ALMS1: variants seen among roughly 807,000 people sequenced by gnomAD.
ALMS1 encodes the protein ALMS1 centrosome and basal body associated protein.
Under a neutral mutation model 352.2 loss-of-function variants are expected in ALMS1, and 271 were observed. That is an observed-to-expected ratio of 0.77 (90% confidence interval 0.70 to 0.85). The LOEUF is 0.85. Ranked by LOEUF, ALMS1 falls within the 40% of genes least tolerant of loss-of-function variation. The probability of loss-of-function intolerance (pLI) is 0.00; values close to 1 mark genes in which losing one functional copy is unlikely to be tolerated. For synonymous variants in ALMS1, 1,865 were observed against 1,761.2 expected (o/e 1.06, Z -1.48); for missense variants, 5,445 against 4,870.7 (o/e 1.12, Z -3.51).
Position 73,520,017 on chromosome 2 carries a change from G to T in ALMS1, c.9781+1G>T. On this transcript the variant is annotated splice_donor_variant, in intron 11 of 22. Transcript: ENST00000613296. LOFTEE classifies it high-confidence loss of function. ...GTTACTTTTTCTCGCGGCACAGATG[G>T]TAAGAGAATGTGATTGCATTTTAGA... The T allele has an allele frequency of 6.2e-7, 1 of 1,614,074 alleles. No homozygotes were observed. Among genetic ancestry groups the T allele is most frequent in the Non-Finnish European group, 8.5e-7 (1 of 1,179,952 alleles).
intron 10 of ALMS1, among the ~76,000 whole-genome samples, chr2:73,516,793 T>C (rs886463694): frequency 6.6e-6 from 1 of 152,240 alleles, no homozygotes; most frequent in Non-Finnish European, 1.5e-5. Context: ...AGCCCCTTTA[T>C]TGGGGTTGGC....
Position 73,601,423 on chromosome 2 carries a change from G to A in ALMS1, c.12101G>A (p.Arg4034Lys), listed in dbSNP as rs751756182. 3 of 1,614,130 alleles carry A rather than the reference G, an allele frequency of 1.9e-6. No homozygotes were observed. The highest frequency in any genetic ancestry group is 2.5e-6 in the Non-Finnish European group (3 of 1,179,996). The change falls in exon 19 of 23, where the codon AGA becomes AAA. Residue 4034 changes from arginine (R) to lysine (K), a missense_variant. By Grantham distance (26) the Arg-to-Lys change is conservative. Coordinates refer to ENST00000613296, the MANE Select transcript of ALMS1 (RefSeq NM_001378454.1). The stretch of plus-strand genomic sequence containing the variant: ...AGAGACCTACTGAGGCCATTTGTGA[G>A]AGCAACCCTTCAGGTGCAGTGACGT... Reference protein sequence around the residue: ...AGRDLLRPFVRATLQESLQFH... With the variant: ...AGRDLLRPFVKATLQESLQFH...
intron 1 of ALMS1, among the ~76,000 whole-genome samples, chr2:73,392,839 A>T (rs1670678705): frequency 6.6e-6 from 1 of 152,068 alleles, no homozygotes; most frequent in Non-Finnish European, 1.5e-5. Flanking sequence ...GGACATATGG[A>T]TTCATTTCTC....
chr2:73,550,338 A>G lies in ALMS1; in HGVS notation c.9979A>G (p.Thr3327Ala), dbSNP rs1354613808. 5 of 1,614,202 alleles carry G rather than the reference A, an allele frequency of 3.1e-6. No individual in the cohort carries two copies. Among genetic ancestry groups the G allele is most frequent in the Admixed American group, 3.3e-5 (2 of 60,024 alleles). Residue 3327 changes from threonine (T) to alanine (A), a missense_variant, in exon 13 of 23, where the codon ACT (threonine) becomes GCT (alanine). Thr to Ala is a moderately conservative substitution (Grantham distance 58). Transcript: ENST00000613296. Reference sequence around the variant, plus strand: ...CACAAGAGATGATGACCTCTCAGCCACTGTTAACATTAAACATAAAGAAGG... The same window carrying G: ...CACAAGAGATGATGACCTCTCAGCCGCTGTTAACATTAAACATAAAGAAGG... ...LGTRDDDLSATVNIKHKEGIY... is the reference protein window; with the variant it reads ...LGTRDDDLSAAVNIKHKEGIY...
At chr2:73,436,313 T>G (rs1671603486) in intron 7 of ALMS1, among the ~76,000 whole-genome samples, 1 of 152,238 alleles carries the variant, frequency 6.6e-6, no homozygotes, top group African/African-American at 2.4e-5. Context: ...GATATGCTCT[T>G]TGTCTTTCAC....
In ALMS1 at chr2:73,463,823, T is replaced by C. The variant is rs562260458; in HGVS notation, c.7674+8528T>C. On this transcript the variant is annotated intron_variant, in intron 9 of 22. Transcript: ENST00000613296. ...TCAGAGAATACTACAAACACCTCTA[T>C]GCAAATAAACTAGAAAATCTAGAAG... 1.2e-4 allele frequency among the ~76,000 whole-genome samples: 18 copies of C among 147,556 alleles called. No homozygotes were observed. The East Asian group carries it at 2.9e-3, about 24-fold the overall frequency.
Position 73,452,660 on chromosome 2 carries a change from C to T in ALMS1, c.6133C>T (p.His2045Tyr). The change falls in exon 8 of 23, where the codon CAT (histidine) becomes TAT (tyrosine). Residue 2045 changes from histidine to tyrosine, a missense_variant. His to Tyr is a moderately conservative substitution (Grantham distance 83). Transcript: ENST00000613296. Reference protein sequence around the residue: ...DQKTPSQTAFHSSYSQTVKPN... With the variant: ...DQKTPSQTAFYSSYSQTVKPN... Reference sequence around the variant, plus strand: ...GAAGACTCCATCCCAGACAGCTTTTCATAGTTCCTATTCTCAAACAGTAAA... The same window carrying T: ...GAAGACTCCATCCCAGACAGCTTTTTATAGTTCCTATTCTCAAACAGTAAA... 2 of 1,613,996 alleles carry T rather than the reference C, an allele frequency of 1.2e-6. No individual in the cohort carries two copies. The highest frequency in any genetic ancestry group is 1.7e-6 in the Non-Finnish European group (2 of 1,179,990).
intron 9 of ALMS1, among the ~76,000 whole-genome samples, chr2:73,482,219 A>G (rs1005988574): frequency 2.6e-5 from 4 of 152,198 alleles, no homozygotes; most frequent in Admixed American, 6.5e-5. Context: ...TGGGTTTGTC[A>G]TAGATAACTC....
rs1670721434 is a variant in ALMS1 at position 73,394,881 on chromosome 2, GT to G, written c.324+8690del. On this transcript the variant is annotated intron_variant, in intron 1 of 22. Coordinates refer to ENST00000613296, the MANE Select transcript of ALMS1 (RefSeq NM_001378454.1). Reference sequence around the variant, plus strand: ...ACAGCATGTTACAGTACTGAATACTGTAGGCAGTTGTAACACTGTGGTAAGT... The same window carrying G: ...ACAGCATGTTACAGTACTGAATACTGAGGCAGTTGTAACACTGTGGTAAGT... Among the ~76,000 whole-genome samples the G allele has an allele frequency of 7.9e-5, 12 of 151,782 alleles. No individual in the cohort carries two copies. The South Asian group carries it at 2.5e-3, about 32-fold the overall frequency.
chr2:73,477,242 C>T (rs1168396415), intron 9 of ALMS1, among the ~76,000 whole-genome samples: 5 of 152,090 alleles, frequency 3.3e-5, no homozygotes, highest in Non-Finnish European at 4.4e-5. Context: ...TGAAAAGACT[C>T]TTCTTTCCCT....
chr2:73,572,533 G>T lies in ALMS1; in HGVS notation c.10656G>T (p.Val3552=). Residue 3552 remains valine, a synonymous_variant, in exon 16 of 23, where the codon GTG becomes GTT. Coordinates refer to ENST00000613296, the MANE Select transcript of ALMS1 (RefSeq NM_001378454.1). ...GAATAAAGAGCCTCAGCATCAATGT[G>T]AATTTGGGAAACAAAGAAGTGATGG... ...YTRIKSLSIN[V]NLGNKEVMDT... The T allele has an allele frequency of 6.2e-7, 1 of 1,613,714 alleles. No homozygotes were observed. The highest frequency in any genetic ancestry group is 1.7e-5 in the Admixed American group (1 of 59,964).
chr2:73,556,049 G>A (rs993366181), intron 13 of ALMS1, among the ~76,000 whole-genome samples: 8 of 152,166 alleles, frequency 5.3e-5, no homozygotes, highest in African/African-American at 1.9e-4. Flanking sequence ...CTACTGAGAA[G>A]TGAGAATGGC....
chr2:73,398,214 G>C (rs1670801620), intron 1 of ALMS1, among the ~76,000 whole-genome samples: 1 of 152,218 alleles, frequency 6.6e-6, no homozygotes, highest in South Asian at 2.1e-4. Flanking sequence ...TAAATGTCCA[G>C]TTGTTCCAGC....
At chr2:73,543,900 C>G (rs186998728) in intron 12 of ALMS1, among the ~76,000 whole-genome samples, 10 of 152,288 alleles carry the variant, frequency 6.6e-5, no homozygotes, top group African/African-American at 2.4e-4. Context: ...AATAAGAACA[C>G]TTTTACACTG....
chr2:73,453,143 A>G lies in ALMS1; in HGVS notation c.6616A>G (p.Ile2206Val), dbSNP rs746837816. ...KLVSEHVQRL[I>V]DNLNSSDSSV... ...TGTTTCAGAACATGTCCAAAGGCTA[A>G]TAGATAATTTGAATTCTTCTGACTC... Residue 2206 changes from isoleucine (I) to valine (V), a missense_variant, in exon 8 of 23, where the codon ATA (isoleucine) becomes GTA (valine). By Grantham distance (29) the Ile-to-Val change is conservative (BLOSUM62 3). Coordinates refer to ENST00000613296, the MANE Select transcript of ALMS1 (RefSeq NM_001378454.1). 1 of 1,614,094 alleles carries G rather than the reference A, an allele frequency of 6.2e-7. No individual in the cohort carries two copies.
At chr2:73,503,367 C>T (rs1173300232) in intron 10 of ALMS1, among the ~76,000 whole-genome samples, 1 of 151,866 alleles carries the variant, frequency 6.6e-6, no homozygotes, top group East Asian at 1.9e-4. Context: ...TTTGTTCTTG[C>T]TATAGTTTAC....
chr2:73,403,966 C>G (rs891386223), intron 1 of ALMS1, among the ~76,000 whole-genome samples: 1 of 152,116 alleles, frequency 6.6e-6, no homozygotes, highest in Admixed American at 6.6e-5. Flanking sequence ...GTGGCTCGAT[C>G]CCTGCTCACT....
At position 73,515,768 on chromosome 2, in the gene ALMS1, T is replaced by TACACACACACACACACAC. The variant is rs71406825; in HGVS notation, c.9540-3987_9540-3970dup. Among the ~76,000 whole-genome samples the TACACACACACACACACAC allele has an allele frequency of 2.4e-4, 34 of 141,478 alleles. 1 individual carries two copies. The highest frequency in any genetic ancestry group is 8.4e-4 in the African/African-American group (32 of 38,300). The allele number at this position is 141,478 out of a possible 152,430, so 92.8% of individuals were successfully genotyped here. On this transcript the variant is annotated intron_variant, in intron 10 of 22. Coordinates refer to ENST00000613296, the MANE Select transcript of ALMS1 (RefSeq NM_001378454.1). The stretch of plus-strand genomic sequence containing the variant: ...GACATTATCACTGACTCCACAGAAA[T>TACACACACACACACACAC]ACACACACACACACACACACACACA...
chr2:73,505,250 T>G (rs1280876328), intron 10 of ALMS1, among the ~76,000 whole-genome samples: 1 of 152,172 alleles, frequency 6.6e-6, no homozygotes, highest in Non-Finnish European at 1.5e-5. Context: ...GTAATGGGAT[T>G]GCTGGTCAAA....
Sources: allele counts gnomAD v4.1 joint callset (sites outside exome capture counted in the v4.1 genomes callset), GRCh38; gene constraint gnomAD v4.1.1; transcripts MANE v1.5; gene names NCBI Gene and HGNC (gene_info 2026-07-23, HGNC 2026-07-21).